ZBTB7C: variants seen among roughly 807,000 people sequenced by gnomAD.
The protein encoded by ZBTB7C is zinc finger and BTB domain-containing protein 7C.
In ZBTB7C, 8 loss-of-function variants were observed where a neutral mutation model predicts 25.7. That is an observed-to-expected ratio of 0.31 (90% CI 0.18 to 0.56). ZBTB7C has a LOEUF of 0.56. Ranked by LOEUF, ZBTB7C falls within the 20% of genes least tolerant of loss-of-function variation. The pLI is 0.91. For missense variants in ZBTB7C, 824 were observed against 855.2 expected (o/e 0.96, Z 0.46); for synonymous variants, 394 against 369.0 (o/e 1.07, Z -0.78).
At chr18:48,318,933 G>C (rs558750330) in intron 2 of ZBTB7C, among the ~76,000 whole-genome samples, 1 of 152,274 alleles carries the variant, frequency 6.6e-6, no homozygotes, top group East Asian at 1.9e-4. Flanking sequence ...GCTGGAGTAG[G>C]TTCTGAGCCC....
At chr18:48,037,876 C>T (rs940570014) in intron 4 of ZBTB7C, among the ~76,000 whole-genome samples, 1 of 152,226 alleles carries the variant, frequency 6.6e-6, no homozygotes, top group African/African-American at 2.4e-5. Flanking sequence ...TCCTGGCATC[C>T]TTAAAGTCAT....
chr18:48,301,775 TTTTAATTG>T lies in ZBTB7C; in HGVS notation c.-79+36391_-79+36398del, dbSNP rs1240941816. ...TTGACTTTTCTTGGTGAGTCTCTAC[TTTTAATTG>T]CAAGGTCTTTGCTGTCTTGAAGGAA... On this transcript the variant is annotated intron_variant, in intron 2 of 4. Transcript: ENST00000590800. Among the ~76,000 whole-genome samples, 9 of 152,312 alleles carry T rather than the reference TTTTAATTG, an allele frequency of 5.9e-5. No homozygotes were observed. The South Asian group carries it at 1.9e-3, about 32-fold the overall frequency.
chr18:48,281,498 G>A (rs1012049681), intron 2 of ZBTB7C, among the ~76,000 whole-genome samples: 19 of 152,244 alleles, frequency 1.2e-4, no homozygotes, highest in African/African-American at 4.3e-4. Context: ...CATAGCAAAA[G>A]AAACTACTAT....
chr18:48,029,376 CG>C lies in ZBTB7C; in HGVS notation c.1743del (p.Asn581LysfsTer146). ...GGGAAGTAGGGCCGCGCCGCCGCCA[CG>C]TTCTCGGCCAGCGCGAAGGCCAGGA... ...GGLLAFALAE[N>X]VAAARPYFPL... is the part of the protein sequence containing the mutation. On this transcript the variant is annotated frameshift_variant, in exon 5 of 5. Coordinates refer to ENST00000590800, the MANE Select transcript of ZBTB7C (RefSeq NM_001318841.2). LOFTEE classifies it high-confidence loss of function. 1.3e-6 allele frequency: 2 copies of C among 1,554,298 alleles called. No homozygotes were observed. Among genetic ancestry groups the C allele is most frequent in the Non-Finnish European group, 1.7e-6 (2 of 1,154,020 alleles).
At chr18:48,336,860 G>T (rs2046469194) in intron 2 of ZBTB7C, among the ~76,000 whole-genome samples, 2 of 152,080 alleles carry the variant, frequency 1.3e-5, no homozygotes, top group African/African-American at 4.8e-5. Context: ...GAGAGGTGGG[G>T]TCTGGGGATA....
intron 2 of ZBTB7C, among the ~76,000 whole-genome samples, chr18:48,256,850 T>C (rs1045299628): frequency 6.6e-6 from 1 of 151,822 alleles, no homozygotes; most frequent in Non-Finnish European, 1.5e-5. Context: ...GTAATACAGG[T>C]AATACAAATA....
At chr18:48,108,128 C>T (rs12955623) in intron 3 of ZBTB7C, among the ~76,000 whole-genome samples, 82,187 of 151,828 alleles carry the variant, frequency 0.54, 23,622 homozygotes, top group African/African-American at 0.75. Flanking sequence ...TGGAAGGACC[C>T]CAAGGCTCGT....
At chr18:48,294,441 C>T (rs2045331056) in intron 2 of ZBTB7C, among the ~76,000 whole-genome samples, 1 of 152,018 alleles carries the variant, frequency 6.6e-6, no homozygotes, top group Non-Finnish European at 1.5e-5. Context: ...AATGTTGATC[C>T]CCTTGACAGG....
chr18:48,089,406 A>G (rs1598857039), intron 3 of ZBTB7C, among the ~76,000 whole-genome samples: 1 of 149,728 alleles, frequency 6.7e-6, no homozygotes, highest in Admixed American at 6.7e-5. Flanking sequence ...CGGGAGGCGG[A>G]GGGTGCAGAG....
At chr18:48,204,628 C>G (rs2042536296) in intron 2 of ZBTB7C, among the ~76,000 whole-genome samples, 1 of 152,140 alleles carries the variant, frequency 6.6e-6, no homozygotes, top group Non-Finnish European at 1.5e-5. Context: ...TTCCTAAAGA[C>G]AAGACCATGC....
chr18:48,194,137 A>C (rs879801028), intron 2 of ZBTB7C, among the ~76,000 whole-genome samples: 7 of 152,244 alleles, frequency 4.6e-5, no homozygotes, highest in Non-Finnish European at 1.0e-4. Flanking sequence ...AGGGCAGATG[A>C]GCCTGTCCAA....
At chr18:48,403,737 G>T (rs182377924) in intron 1 of ZBTB7C, among the ~76,000 whole-genome samples, 1 of 152,148 alleles carries the variant, frequency 6.6e-6, no homozygotes, top group African/African-American at 2.4e-5. Flanking sequence ...ACGCTGCTCA[G>T]GTGATGGGTG....
At chr18:48,278,980 G>C (rs73433392) in intron 2 of ZBTB7C, among the ~76,000 whole-genome samples, 1 of 149,460 alleles carries the variant, frequency 6.7e-6, no homozygotes, top group East Asian at 2.0e-4. Flanking sequence ...GGAGAATCTT[G>C]CTGGAGACAG....
At chr18:48,293,796 T>G (rs2045305270) in intron 2 of ZBTB7C, among the ~76,000 whole-genome samples, 1 of 152,072 alleles carries the variant, frequency 6.6e-6, no homozygotes, top group African/African-American at 2.4e-5. Context: ...AAAAAAAATA[T>G]AAATAAAGAC....
intron 2 of ZBTB7C, among the ~76,000 whole-genome samples, chr18:48,320,243 AG>A (rs941099189): frequency 1.1e-4 from 17 of 152,168 alleles, no homozygotes; most frequent in African/African-American, 4.1e-4. Flanking sequence ...GCGCTAGCAC[AG>A]GGGGTTCAGT....
At chr18:48,286,496 C>T (rs1283570521) in intron 2 of ZBTB7C, among the ~76,000 whole-genome samples, 9 of 151,966 alleles carry the variant, frequency 5.9e-5, no homozygotes, top group African/African-American at 2.2e-4. Flanking sequence ...CTACTTGATG[C>T]AATATTTAAC....
chr18:48,328,038 C>A (rs573174871), intron 2 of ZBTB7C, among the ~76,000 whole-genome samples: 1 of 151,814 alleles, frequency 6.6e-6, no homozygotes, highest in Non-Finnish European at 1.5e-5. Flanking sequence ...GAAAATTAGC[C>A]GGGCGTGGTG....
intron 2 of ZBTB7C, among the ~76,000 whole-genome samples, chr18:48,290,519 T>C (rs2045191416): frequency 6.6e-6 from 1 of 152,228 alleles, no homozygotes; most frequent in African/African-American, 2.4e-5. Flanking sequence ...GGGTAGACCC[T>C]AATTATCCTG....
Position 48,295,641 on chromosome 18 carries a change from C to T in ZBTB7C, c.-79+42533G>A, listed in dbSNP as rs569941962. Among the ~76,000 whole-genome samples, 12 of 152,248 alleles carry T rather than the reference C, an allele frequency of 7.9e-5. No homozygotes were observed. The South Asian group carries it at 2.3e-3, about 29-fold the overall frequency. On this transcript the variant is annotated intron_variant, in intron 2 of 4. Coordinates refer to ENST00000590800, the MANE Select transcript of ZBTB7C (RefSeq NM_001318841.2). The stretch of plus-strand genomic sequence containing the variant: ...CTCTTGGTGGTCAAATTCAATTCAA[C>T]AAAACTTTACAAAGCTCATTTTACT...
Sources: allele counts gnomAD v4.1 joint callset (sites outside exome capture counted in the v4.1 genomes callset), GRCh38; gene constraint gnomAD v4.1.1; transcripts MANE v1.5; gene names NCBI Gene and HGNC (gene_info 2026-07-23, HGNC 2026-07-21).